DNM2: variants seen among roughly 807,000 people sequenced by gnomAD.
DNM2 encodes dynamin-2.
Under a neutral mutation model 99.0 loss-of-function variants are expected in DNM2, and 15 were observed. That is an observed-to-expected ratio of 0.15 (90% CI 0.10 to 0.23). DNM2 has a LOEUF of 0.23. Among genes scored for constraint, DNM2 ranks in the 10% least tolerant of loss-of-function variants. DNM2 has a pLI of 1.00. For synonymous variants in DNM2, 525 were observed against 481.2 expected (o/e 1.09, Z -1.19); for missense variants, 742 against 1,189.4 (o/e 0.62, Z 5.53).
rs997512493 is a variant in DNM2 at position 10,816,161 on chromosome 19, G to T, written c.1671+3784G>T. ...AGGCTTCCCCAGTGCACGTCTGCGG[G>T]CCCATGCTCCCTGACCTGAGGGACA... On this transcript the variant is annotated intron_variant, in intron 15 of 20. Coordinates refer to ENST00000389253, the MANE Select transcript of DNM2 (RefSeq NM_001005361.3). The surrounding 1 kb of genome is among the most constrained non-coding windows in gnomAD (Gnocchi z 4.6). Among the ~76,000 whole-genome samples, 1 of 152,028 alleles carries T rather than the reference G, an allele frequency of 6.6e-6. No homozygotes were observed. Among genetic ancestry groups the T allele is most frequent in the African/African-American group, 2.4e-5 (1 of 41,392 alleles).
Position 10,812,204 on chromosome 19 carries a change from G to T in DNM2, c.1558-60G>T, listed in dbSNP as rs559881224. On this transcript the variant is annotated intron_variant, in intron 14 of 20. Transcript: ENST00000389253. The surrounding 1 kb of genome is among the most constrained non-coding windows in gnomAD (Gnocchi z 4.0). ...ACTGAGCTGTGGGCAAGGCTGCTGC[G>T]CTGGGGGATGGCTGGGGCACGGAGC... The T allele has an allele frequency of 2.8e-6, 4 of 1,451,936 alleles. No homozygotes were observed. The South Asian group carries it at 3.6e-5, about 13-fold the overall frequency. 89.9% of individuals were successfully genotyped at this position (1,451,936 alleles called of 1,614,324 possible).
At position 10,831,349 on chromosome 19, in the gene DNM2, G is replaced by C. The variant is rs2073343787; in HGVS notation, c.*302G>C. ...GACACCATCCTGAATGAGGGGTCCA[G>C]CCTGGGGGGGACTCTACCAAGGTCT... On this transcript the variant is annotated 3_prime_UTR_variant, in exon 21 of 21. Transcript: ENST00000389253. This position sits in a 1 kb window ranked among gnomAD's most constrained non-coding sequence, Gnocchi z 4.3. 5 of 1,167,750 alleles carry C rather than the reference G, an allele frequency of 4.3e-6. No individual in the cohort carries two copies. The highest frequency in any genetic ancestry group is 5.3e-6 in the Non-Finnish European group (5 of 945,486). The allele number at this position is 1,167,750 out of a possible 1,614,324, so 72.3% of individuals were successfully genotyped here. A position where few individuals can be genotyped will look rare whatever the true frequency, so the allele number is the denominator to read the frequency against.
At chr19:10,743,346 G>A (rs2145773522) in intron 1 of DNM2, among the ~76,000 whole-genome samples, 1 of 152,220 alleles carries the variant, frequency 6.6e-6, no homozygotes, top group South Asian at 2.1e-4. Flanking sequence ...GGGGGCCTGA[G>A]GGGTGGGAAG....
In DNM2 at chr19:10,759,494, G is replaced by T. The variant is rs184347251; in HGVS notation, c.162-244G>T. 11 of 581,428 alleles carry T rather than the reference G, an allele frequency of 1.9e-5. No individual in the cohort carries two copies. The East Asian group carries it at 3.2e-4, about 17-fold the overall frequency. 36.0% of individuals were successfully genotyped at this position (581,428 alleles called of 1,614,324 possible). A position where few individuals can be genotyped will look rare whatever the true frequency, so the allele number is the denominator to read the frequency against. On this transcript the variant is annotated intron_variant, in intron 1 of 20. Coordinates refer to ENST00000389253, the MANE Select transcript of DNM2 (RefSeq NM_001005361.3). ...AATGGGCCCCCTGGGAGTACGGGGGGTGGGGCACAGCCTGCCAGAGGGAAA... is the reference window on the plus strand; with the variant it reads ...AATGGGCCCCCTGGGAGTACGGGGGTTGGGGCACAGCCTGCCAGAGGGAAA...
intron 16 of DNM2, among the ~76,000 whole-genome samples, chr19:10,821,615 T>C (rs958770040): frequency 6.6e-6 from 1 of 152,108 alleles, no homozygotes; most frequent in Non-Finnish European, 1.5e-5. Flanking sequence ...CACCGCAACC[T>C]CTGCCTCCTG....
At chr19:10,728,912 G>T (rs570607820) in intron 1 of DNM2, among the ~76,000 whole-genome samples, 3 of 150,128 alleles carry the variant, frequency 2.0e-5, no homozygotes, top group African/African-American at 7.4e-5. Context: ...GCACCACTGC[G>T]CTCCAGCCTG....
At chr19:10,773,053 C>T (rs1471506004) in intron 3 of DNM2, among the ~76,000 whole-genome samples, 1 of 147,334 alleles carries the variant, frequency 6.8e-6, no homozygotes, top group Non-Finnish European at 1.5e-5. Context: ...GATCTCTGCT[C>T]GCTGCAACCT....
chr19:10,774,728 C>CTTT (rs34413054), intron 3 of DNM2, among the ~76,000 whole-genome samples: 6 of 121,450 alleles, frequency 4.9e-5, no homozygotes, highest in Non-Finnish European at 8.6e-5. Context: ...TTGGCCTATG[C>CTTT]TTTTTTTTTT....
chr19:10,786,599 C>G lies in DNM2; in HGVS notation c.885C>G (p.Ala295=), dbSNP rs774993557. The part of the protein sequence containing the change: ...LTNHIRESLP[A]LRSKLQSQLL... ...ACCACATCCGGGAGTCGCTGCCGGC[C>G]CTACGTAGCAAACTACAGAGCCAGC... Residue 295 remains alanine (A), a synonymous_variant, in exon 7 of 21, where the codon GCC becomes GCG. Coordinates refer to ENST00000389253, the MANE Select transcript of DNM2 (RefSeq NM_001005361.3). The G allele has an allele frequency of 6.2e-7, 1 of 1,614,138 alleles. No homozygotes were observed. The highest frequency in any genetic ancestry group is 2.2e-5 in the East Asian group (1 of 44,876).
intron 3 of DNM2, among the ~76,000 whole-genome samples, chr19:10,773,088 T>C (rs2071034707): frequency 6.6e-6 from 1 of 150,932 alleles, no homozygotes; most frequent in South Asian, 2.1e-4. Context: ...CAAGCAATTA[T>C]TGTGCCTCAG....
chr19:10,778,584 C>A (rs1048949268), intron 5 of DNM2, among the ~76,000 whole-genome samples: 2 of 151,798 alleles, frequency 1.3e-5, no homozygotes, highest in African/African-American at 4.8e-5. Flanking sequence ...CCCAGGAGTT[C>A]GAAGCTGCAG....
chr19:10,757,047 A>T (rs1056971178), intron 1 of DNM2, among the ~76,000 whole-genome samples: 4 of 152,158 alleles, frequency 2.6e-5, no homozygotes, highest in African/African-American at 9.7e-5. Flanking sequence ...AGCTGGTGGC[A>T]TTGCTCTAAC....
chr19:10,793,597 C>A, intron 7 of DNM2, 123 bp from the exon 8 acceptor site: 1 of 1,566,970 alleles, frequency 6.4e-7, no homozygotes, highest in Non-Finnish European at 8.8e-7. Context: ...TTAATATAGA[C>A]AGAAGACATT....
At chr19:10,829,433 G>T (rs1260568637) in intron 19 of DNM2, among the ~76,000 whole-genome samples, 165 bp downstream of exon 19, 1 of 152,172 alleles carries the variant, frequency 6.6e-6, no homozygotes, top group African/African-American at 2.4e-5. Flanking sequence ...AGGAGGGAGA[G>T]AAGGGGTATG....
At chr19:10,759,539 C>T (rs1212644076) in intron 1 of DNM2, 199 bp from the exon 2 acceptor site, 15 of 663,818 alleles carry the variant, frequency 2.3e-5, no homozygotes, top group Middle Eastern at 8.2e-4. Flanking sequence ...TCACTATGAC[C>T]TTCCATGCAT....
In DNM2 at chr19:10,830,949, C is replaced by G; in HGVS notation, c.2544-29C>G. The G allele has an allele frequency of 1.2e-6, 2 of 1,603,182 alleles. No individual in the cohort carries two copies. The highest frequency in any genetic ancestry group is 1.7e-6 in the Non-Finnish European group (2 of 1,174,694). On this transcript the variant is annotated intron_variant, in intron 20 of 20. Transcript: ENST00000389253. The surrounding 1 kb of genome is among the most constrained non-coding windows in gnomAD (Gnocchi z 4.8). ...CTCCCGGCCTCACTGCCGTCTCCCC[C>G]TCCCCACCTGTCTTTATTCTCTTTG...
At chr19:10,791,396 C>A (rs1452964470) in intron 7 of DNM2, among the ~76,000 whole-genome samples, 1 of 152,156 alleles carries the variant, frequency 6.6e-6, no homozygotes, top group Non-Finnish European at 1.5e-5. Flanking sequence ...CCCAACTCCC[C>A]CTTTTTATAA....
intron 1 of DNM2, among the ~76,000 whole-genome samples, chr19:10,752,419 G>A (rs748857396): frequency 1.3e-5 from 2 of 152,342 alleles, no homozygotes; most frequent in Non-Finnish European, 2.9e-5. Context: ...ATTGTCCGTT[G>A]TCTGAGCTGG....
At position 10,746,458 on chromosome 19, in the gene DNM2, T is replaced by C. The variant is rs185809081; in HGVS notation, c.162-13280T>C. On this transcript the variant is annotated intron_variant, in intron 1 of 20. Coordinates refer to ENST00000389253, the MANE Select transcript of DNM2 (RefSeq NM_001005361.3). ...GTTTTTTTGAGATGGAGTTTCACTCTTATTGCCCAGGCAGGAGTGTAATGG... is the reference window on the plus strand; with the variant it reads ...GTTTTTTTGAGATGGAGTTTCACTCCTATTGCCCAGGCAGGAGTGTAATGG... Among the ~76,000 whole-genome samples, 515 of 151,856 alleles carry C rather than the reference T, an allele frequency of 3.4e-3. 4 individuals are homozygous for C. The highest frequency in any genetic ancestry group is 0.012 in the African/African-American group (495 of 41,446).
Sources: allele counts gnomAD v4.1 joint callset (sites outside exome capture counted in the v4.1 genomes callset), GRCh38; gene constraint gnomAD v4.1.1; non-coding constraint Gnocchi (gnomAD v3.1); transcripts MANE v1.5; gene names NCBI Gene and HGNC (gene_info 2026-07-23, HGNC 2026-07-21).